Variants in SORL1 observed in about 807,000 individuals in gnomAD.
SORL1 encodes sortilin related receptor 1, also known as sortilin-related receptor.
In SORL1, 127 loss-of-function variants were observed where a neutral mutation model predicts 273.7. The ratio of observed to expected loss-of-function variants is 0.46; its 90% confidence interval spans 0.40 to 0.54. SORL1 has a LOEUF of 0.54. Ranked by LOEUF, SORL1 falls within the 20% of genes least tolerant of loss-of-function variation. The pLI, the probability that SORL1 is intolerant of heterozygous loss-of-function variation, is 0.00. For missense variants in SORL1, 2,494 were observed against 2,846.1 expected (o/e 0.88, Z 2.81); for synonymous variants, 1,031 against 1,067.4 (o/e 0.97, Z 0.66).
rs774053907 is a variant in SORL1, at chr11:121,520,757, A to T, written c.1312A>T (p.Met438Leu). The change falls in exon 9 of 48, where the codon ATG becomes TTG. Residue 438 changes from methionine to leucine, a missense_variant. This residue lies in a region of SORL1 where 710 missense variants were observed against 882.5 expected (regional missense o/e 0.80). Transcript: ENST00000260197. ...TAATGGTTCTATGAATGAGGAGAACATGAGATCGGTCATCACCTTTGACAA... is the reference window on the plus strand; with the variant it reads ...TAATGGTTCTATGAATGAGGAGAACTTGAGATCGGTCATCACCTTTGACAA... ...LINGSMNEEN[M>L]RSVITFDKGG... The T allele has an allele frequency of 6.2e-7, 1 of 1,613,178 alleles. No individual in the cohort carries two copies. The highest frequency in any genetic ancestry group is 8.5e-7 in the Non-Finnish European group (1 of 1,179,578).
chr11:121,455,331 C>T (rs1860885613), intron 1 of SORL1, among the ~76,000 whole-genome samples: 1 of 152,158 alleles, frequency 6.6e-6, no homozygotes, highest in Non-Finnish European at 1.5e-5. Flanking sequence ...CACTGTCCAG[C>T]TTCTTGCCCT....
chr11:121,514,354 T>C (rs1161618227), intron 8 of SORL1, 33 bp downstream of exon 8: 1 of 1,584,354 alleles, frequency 6.3e-7, no homozygotes, highest in Non-Finnish European at 8.6e-7. Context: ...TCCTGCCTTC[T>C]TAGGCCAACA....
chr11:121,590,006 G>A, intron 29 of SORL1, 34 bp from the exon 30 acceptor site: 1 of 1,610,314 alleles, frequency 6.2e-7, no homozygotes, highest in Non-Finnish European at 8.5e-7. Flanking sequence ...ACTGATGCAG[G>A]GAAAGCAACT....
At chr11:121,483,873 C>CAAGT (rs1861433336) in intron 3 of SORL1, among the ~76,000 whole-genome samples, 2 of 152,042 alleles carry the variant, frequency 1.3e-5, no homozygotes. Flanking sequence ...TCATAGAAGC[C>CAAGT]AAGTCTTCAT....
rs1022004795 is a variant in SORL1, at chr11:121,595,015, A to G, written c.4370-608A>G. 3.9e-5 allele frequency among the ~76,000 whole-genome samples: 6 copies of G among 152,210 alleles called. No homozygotes were observed. Among genetic ancestry groups the G allele is most frequent in the Admixed American group, 2.6e-4 (4 of 15,284 alleles). Reference sequence around the variant, plus strand: ...CATATGTAGGTTTAATCCCCCTTTTATCAGTAGGATATACTTGCTGTCAAC... The same window carrying G: ...CATATGTAGGTTTAATCCCCCTTTTGTCAGTAGGATATACTTGCTGTCAAC... On this transcript the variant is annotated intron_variant, in intron 31 of 47. Transcript: ENST00000260197. The surrounding 1 kb of genome is among the most constrained non-coding windows in gnomAD (Gnocchi z 5.1).
In SORL1 at chr11:121,632,434, G is replaced by C. The variant is rs1863888669; in HGVS notation, c.*2871G>C. On this transcript the variant is annotated 3_prime_UTR_variant, in exon 48 of 48. Transcript: ENST00000260197. ...CAGGAACTACTGGCTACCTTGACAA[G>C]CTGGGTAAATAGTTATCATTCTGGG... is the stretch of plus-strand genomic sequence containing the variant. The C allele has an allele frequency of 6.6e-6, 1 of 152,116 alleles. No homozygotes were observed. Among genetic ancestry groups the C allele is most frequent in the African/African-American group, 2.4e-5 (1 of 41,406 alleles). The allele number at this position is 152,116 out of a possible 1,614,324, so 9.4% of individuals were successfully genotyped here. A position where few individuals can be genotyped will look rare whatever the true frequency, so the allele number is the denominator to read the frequency against.
At chr11:121,624,266 G>T (rs1863763348) in intron 45 of SORL1, among the ~76,000 whole-genome samples, 1 of 152,306 alleles carries the variant, frequency 6.6e-6, no homozygotes, top group Admixed American at 6.5e-5. Context: ...TTATGCAAGG[G>T]GGCCCAATAT....
At chr11:121,594,711 C>T (rs1407742001) in intron 31 of SORL1, among the ~76,000 whole-genome samples, 3 of 152,136 alleles carry the variant, frequency 2.0e-5, no homozygotes, top group African/African-American at 7.2e-5. Context: ...CTCTGTTTGG[C>T]TTTCTGCCTT....
chr11:121,482,839 G>A (rs1466513160), intron 3 of SORL1, among the ~76,000 whole-genome samples: 2 of 152,380 alleles, frequency 1.3e-5, no homozygotes, highest in African/African-American at 4.8e-5. Flanking sequence ...TGTGGAAGGG[G>A]AGAGAAGGTG....
chr11:121,525,413 A>G (rs1018303991), intron 11 of SORL1, among the ~76,000 whole-genome samples: 1 of 152,212 alleles, frequency 6.6e-6, no homozygotes, highest in Non-Finnish European at 1.5e-5. Context: ...GCTGTTATGA[A>G]CATTCATGTA....
At chr11:121,616,037 C>G (rs994104104) in intron 41 of SORL1, among the ~76,000 whole-genome samples, 5 of 152,206 alleles carry the variant, frequency 3.3e-5, no homozygotes, top group Non-Finnish European at 7.3e-5. Flanking sequence ...GACGCTGAGG[C>G]AGGGACAGTG....
chr11:121,612,605 C>CA, intron 39 of SORL1, 131 bp from the exon 40 acceptor site: 1 of 637,508 alleles, frequency 1.6e-6, no homozygotes, highest in South Asian at 2.1e-5. Context: ...TTTTAAAAAA[C>CA]AACCTGTTCA....
rs367604293 is a variant in SORL1 at position 121,623,381 on chromosome 11, G to A, written c.6171+1113G>A. Among the ~76,000 whole-genome samples, 4 of 152,154 alleles carry A rather than the reference G, an allele frequency of 2.6e-5. No individual in the cohort carries two copies. The East Asian group carries it at 5.8e-4, about 22-fold the overall frequency. On this transcript the variant is annotated intron_variant, in intron 45 of 47. Coordinates refer to ENST00000260197, the MANE Select transcript of SORL1 (RefSeq NM_003105.6). ...TTCTTGGGTAATACCTATCAAAAACGTTGAAAGTGTTCACACCCATTGATC... is the reference window on the plus strand; with the variant it reads ...TTCTTGGGTAATACCTATCAAAAACATTGAAAGTGTTCACACCCATTGATC...
chr11:121,614,388 T>A (rs1474796191), intron 40 of SORL1: 1 of 153,814 alleles, frequency 6.5e-6, no homozygotes, highest in Non-Finnish European at 1.4e-5. Context: ...CATCAAATAT[T>A]TTTGAAACAA....
chr11:121,583,415 G>A (rs995313382), intron 25 of SORL1, 43 bp from the exon 26 acceptor site: 7 of 1,578,470 alleles, frequency 4.4e-6, no homozygotes, highest in Non-Finnish European at 6.0e-6. Context: ...GGTGGGGGAT[G>A]GAGATGAGGG....
At chr11:121,460,920 C>G (rs1472700326) in intron 1 of SORL1, among the ~76,000 whole-genome samples, 1 of 152,122 alleles carries the variant, frequency 6.6e-6, no homozygotes, top group East Asian at 1.9e-4. Flanking sequence ...ACATGCGAGA[C>G]AGTTCCACCT....
chr11:121,522,508 C>T (rs762406454), intron 9 of SORL1, 78 bp from the exon 10 acceptor site: 8 of 1,123,186 alleles, frequency 7.1e-6, no homozygotes, highest in Non-Finnish European at 1.1e-5. Flanking sequence ...GCACTCCCCT[C>T]ACACAGGCCG....
intron 11 of SORL1, among the ~76,000 whole-genome samples, chr11:121,526,630 G>C (rs1029465598): frequency 5.9e-5 from 9 of 151,970 alleles, no homozygotes; most frequent in Admixed American, 6.6e-5. Context: ...ATTTCTCTCA[G>C]TACTTTGTAG....
At chr11:121,518,621 T>C (rs1038644878) in intron 8 of SORL1, among the ~76,000 whole-genome samples, 2 of 152,112 alleles carry the variant, frequency 1.3e-5, no homozygotes, top group African/African-American at 2.4e-5. Context: ...ATCGAGACCT[T>C]CAGCTGGTTC....
Sources: allele counts gnomAD v4.1 joint callset (sites outside exome capture counted in the v4.1 genomes callset), GRCh38; gene constraint gnomAD v4.1.1; regional missense constraint gnomAD v4.1.1; non-coding constraint Gnocchi (gnomAD v3.1); transcripts MANE v1.5; gene names NCBI Gene and HGNC (gene_info 2026-07-23, HGNC 2026-07-21).